ATP13A5: variants seen among roughly 807,000 people sequenced by gnomAD.
ATP13A5 encodes ATPase 13A5.
A neutral mutation model predicts 150.2 loss-of-function variants in ATP13A5; 149 were observed. The observed-to-expected ratio is 0.99, with a 90% CI of 0.87 to 1.14. The LOEUF is 1.14. ATP13A5 is among the 50% of genes most tolerant of loss of function. The pLI, the probability that ATP13A5 is intolerant of heterozygous loss-of-function variation, is 0.00. For missense variants in ATP13A5, 1,383 were observed against 1,449.3 expected, an observed-to-expected ratio of 0.95 and a Z score of 0.74; for synonymous variants, 497 against 522.2, an observed-to-expected ratio of 0.95 and a Z score of 0.66.
chr3:193,375,858 T>A (rs1407155189), intron 1 of ATP13A5, among the ~76,000 whole-genome samples: 1 of 152,176 alleles, frequency 6.6e-6, no homozygotes, highest in East Asian at 1.9e-4. Flanking sequence ...GCATCGCCCC[T>A]CCATCCACTT....
intron 19 of ATP13A5, 92 bp downstream of exon 19, chr3:193,313,941 G>C: frequency 7.2e-7 from 1 of 1,381,038 alleles, no homozygotes; most frequent in Non-Finnish European, 1.0e-6. Context: ...TTATTACTGA[G>C]ATGACTCCTG....
intron 3 of ATP13A5, 151 bp from the exon 4 acceptor site, chr3:193,362,788 T>TGAGA: frequency 3.6e-6 from 2 of 554,862 alleles, no homozygotes; most frequent in South Asian, 2.1e-5. Flanking sequence ...TTTCTTTCTT[T>TGAGA]CTTTCTTTCT....
intron 17 of ATP13A5, among the ~76,000 whole-genome samples, chr3:193,316,916 G>A (rs756135098): frequency 5.3e-5 from 8 of 152,106 alleles, no homozygotes; most frequent in Non-Finnish European, 7.3e-5. Context: ...ACCTGAAACC[G>A]TGAAACTACT....
chr3:193,355,804 G>T (rs1712760826), intron 5 of ATP13A5, among the ~76,000 whole-genome samples: 1 of 152,174 alleles, frequency 6.6e-6, no homozygotes, highest in Non-Finnish European at 1.5e-5. Flanking sequence ...GTTAAGCAAA[G>T]TGTCAGAACT....
At chr3:193,322,462 G>A in intron 15 of ATP13A5, 29 bp downstream of exon 15, 2 of 1,498,542 alleles carry the variant, frequency 1.3e-6, no homozygotes, top group Non-Finnish European at 1.9e-6. Flanking sequence ...TGGGGAAAGA[G>A]CTATGTGATG....
chr3:193,316,521 G>C (rs1719058103), intron 17 of ATP13A5, among the ~76,000 whole-genome samples: 1 of 152,108 alleles, frequency 6.6e-6, no homozygotes, highest in South Asian at 2.1e-4. Context: ...CATCCTTACA[G>C]GTATGAGGTG....
At chr3:193,329,982 C>T (rs1207909389) in intron 12 of ATP13A5, among the ~76,000 whole-genome samples, 2 of 152,166 alleles carry the variant, frequency 1.3e-5, no homozygotes, top group African/African-American at 4.8e-5. Context: ...CAAGGACCCA[C>T]TCCTTAGCGT....
chr3:193,293,751 C>T (rs1718057764), intron 25 of ATP13A5, among the ~76,000 whole-genome samples: 1 of 152,016 alleles, frequency 6.6e-6, no homozygotes, highest in Non-Finnish European at 1.5e-5. Context: ...AAATGGGTAT[C>T]ATGAGATTTC....
chr3:193,363,462 G>A, intron 2 of ATP13A5, 80 bp from the exon 3 acceptor site: 1 of 1,343,178 alleles, frequency 7.4e-7, no homozygotes, highest in South Asian at 1.4e-5. Context: ...CTACCAAGTG[G>A]TACAAAACTT....
rs184300911 is a variant in ATP13A5 at position 193,355,145 on chromosome 3, T to A, written c.537-949A>T. 2.2e-3 allele frequency among the ~76,000 whole-genome samples: 327 copies of A among 152,066 alleles called. 1 individual carries two copies. The highest frequency in any genetic ancestry group is 7.7e-3 in the African/African-American group (320 of 41,472). On this transcript the variant is annotated intron_variant, in intron 5 of 29. Transcript: ENST00000342358. The stretch of plus-strand genomic sequence containing the variant: ...CGGGGTTTCTCCATCTTGGTCAGGC[T>A]CGTCTCGAACCCCTGACCTCAGGTG...
intron 21 of ATP13A5, among the ~76,000 whole-genome samples, chr3:193,308,485 C>T (rs940440386): frequency 1.7e-4 from 26 of 152,132 alleles, no homozygotes; most frequent in African/African-American, 6.3e-4. Context: ...CAAATGTAGG[C>T]ACACCCCTAT....
At chr3:193,315,701 G>A (rs1030509237) in intron 17 of ATP13A5, among the ~76,000 whole-genome samples, 21 of 152,220 alleles carry the variant, frequency 1.4e-4, no homozygotes, top group Admixed American at 1.3e-4. Flanking sequence ...AAGTAAATTT[G>A]GGGGCCAAGA....
chr3:193,354,237 C>T (rs763907530), intron 5 of ATP13A5, 41 bp from the exon 6 acceptor site: 7 of 1,572,710 alleles, frequency 4.5e-6, no homozygotes, highest in East Asian at 4.5e-5. Context: ...TAGCTACAAG[C>T]ACATGATAAG....
At chr3:193,304,107 A>T (rs1351796858) in intron 23 of ATP13A5, among the ~76,000 whole-genome samples, 1 of 152,198 alleles carries the variant, frequency 6.6e-6, no homozygotes. Context: ...CACTAGAGAT[A>T]GTAACCAAAG....
intron 11 of ATP13A5, 30 bp downstream of exon 11, chr3:193,333,720 C>T (rs757610821): frequency 2.5e-6 from 4 of 1,599,496 alleles, no homozygotes; most frequent in Non-Finnish European, 3.4e-6. Context: ...AGAATCTATA[C>T]TATTGAAAAG....
intron 13 of ATP13A5, 40 bp from the exon 14 acceptor site, chr3:193,325,054 T>C (rs763558671): frequency 1.1e-5 from 17 of 1,590,438 alleles, no homozygotes; most frequent in Non-Finnish European, 1.3e-5. Flanking sequence ...GATAAAATCA[T>C]TTTGCACATT....
chr3:193,338,664 T>C (rs894651637), intron 9 of ATP13A5, among the ~76,000 whole-genome samples: 16 of 152,222 alleles, frequency 1.1e-4, no homozygotes, highest in South Asian at 2.1e-4. Context: ...TTTGCATCGA[T>C]GTTCATCAGG....
intron 27 of ATP13A5, among the ~76,000 whole-genome samples, chr3:193,281,844 AG>A (rs1717510725): frequency 6.6e-6 from 1 of 152,114 alleles, no homozygotes; most frequent in African/African-American, 2.4e-5. Flanking sequence ...AGTCACTGTG[AG>A]GTAACTACCT....
chr3:193,299,039 G>T (rs1470518733), intron 25 of ATP13A5, 92 bp downstream of exon 25: 2 of 969,296 alleles, frequency 2.1e-6, no homozygotes, highest in Non-Finnish European at 3.1e-6. Context: ...AAATAAGGGT[G>T]CCTCTTTCTC....
Sources: gnomAD v4.1 joint callset for allele counts (sites outside exome capture counted in the v4.1 genomes callset) on GRCh38, gnomAD v4.1.1 for gene constraint, MANE v1.5 for transcripts, NCBI Gene and HGNC (gene_info 2026-07-23, HGNC 2026-07-21) for gene names.